GLIS1: variants seen among roughly 807,000 people sequenced by gnomAD.
The protein encoded by GLIS1 is GLIS family zinc finger 1.
GLIS1 carries 24 observed loss-of-function variants against 63.8 expected under a neutral mutation model. That is an observed-to-expected ratio of 0.38 (90% CI 0.27 to 0.53). The LOEUF is 0.53. GLIS1 is among the 20% of genes least tolerant of loss of function. The pLI is 0.85. For missense variants in GLIS1, 1,036 were observed against 1,074.1 expected (o/e 0.96, Z 0.50); for synonymous variants, 450 against 482.5 (o/e 0.93, Z 0.88).
chr1:53,561,567 G>A (rs1644892489), intron 4 of GLIS1, among the ~76,000 whole-genome samples: 1 of 152,258 alleles, frequency 6.6e-6, no homozygotes, highest in African/African-American at 2.4e-5. Context: ...CACTGCCGGA[G>A]AAGAGACCAG....
At chr1:53,580,206 G>A (rs545490537) in intron 4 of GLIS1, among the ~76,000 whole-genome samples, 11 of 152,246 alleles carry the variant, frequency 7.2e-5, no homozygotes, top group African/African-American at 9.6e-5. Flanking sequence ...CATGGGTAGA[G>A]CCATGAGCCG....
intron 2 of GLIS1, among the ~76,000 whole-genome samples, chr1:53,682,000 T>G (rs1423995972): frequency 1.3e-5 from 2 of 152,226 alleles, no homozygotes; most frequent in Admixed American, 6.5e-5. Flanking sequence ...TAGGCTACTT[T>G]GCAAGTGTTC....
chr1:53,658,005 G>A (rs1645985293), intron 2 of GLIS1, among the ~76,000 whole-genome samples: 1 of 151,980 alleles, frequency 6.6e-6, no homozygotes, highest in Admixed American at 6.5e-5. Flanking sequence ...CAACCTTGCT[G>A]GTGCTCAAAG....
At chr1:53,660,067 GT>G (rs1305916728) in intron 2 of GLIS1, among the ~76,000 whole-genome samples, 1 of 152,204 alleles carries the variant, frequency 6.6e-6, no homozygotes, top group Non-Finnish European at 1.5e-5. Flanking sequence ...CAGCTCAACA[GT>G]TCTTTGAGTC....
chr1:53,671,910 A>C (rs1411407024), intron 2 of GLIS1, among the ~76,000 whole-genome samples: 5 of 152,150 alleles, frequency 3.3e-5, no homozygotes, highest in African/African-American at 9.7e-5. Flanking sequence ...CCTCCTTCTC[A>C]ACTTTTAAAA....
At chr1:53,645,054 A>C (rs1351021341) in intron 2 of GLIS1, among the ~76,000 whole-genome samples, 1 of 152,176 alleles carries the variant, frequency 6.6e-6, no homozygotes, top group Non-Finnish European at 1.5e-5. Flanking sequence ...ATGTCTGTGA[A>C]ATAACTAAAC....
At chr1:53,549,851 A>G (rs182724652) in intron 4 of GLIS1, among the ~76,000 whole-genome samples, 25 of 152,312 alleles carry the variant, frequency 1.6e-4, no homozygotes, top group Admixed American at 3.3e-4. Context: ...TCATCCCCAT[A>G]TTACCAATGG....
chr1:53,671,219 GA>G (rs1570022236), intron 2 of GLIS1, among the ~76,000 whole-genome samples: 1 of 152,218 alleles, frequency 6.6e-6, no homozygotes, highest in Admixed American at 6.5e-5. Context: ...AGAAGAACAG[GA>G]AAGTGAAAAC....
At chr1:53,660,164 C>T (rs530243340) in intron 2 of GLIS1, among the ~76,000 whole-genome samples, 3 of 152,128 alleles carry the variant, frequency 2.0e-5, no homozygotes, top group Non-Finnish European at 4.4e-5. Context: ...GGGGAACATC[C>T]GAAAAGCATC....
At chr1:53,731,705 A>G (rs1051195818) in intron 2 of GLIS1, among the ~76,000 whole-genome samples, 10 of 152,190 alleles carry the variant, frequency 6.6e-5, no homozygotes, top group African/African-American at 2.2e-4. Flanking sequence ...ATTAAATGTG[A>G]TCACGTCTCT....
chr1:53,722,285 A>G (rs140503496), intron 2 of GLIS1, among the ~76,000 whole-genome samples: 11 of 152,350 alleles, frequency 7.2e-5, no homozygotes, highest in African/African-American at 2.6e-4. Context: ...TACAAAAATA[A>G]TCAGAAACGC....
intron 2 of GLIS1, among the ~76,000 whole-genome samples, chr1:53,719,038 C>T (rs751346779): frequency 2.6e-5 from 4 of 152,196 alleles, no homozygotes; most frequent in Non-Finnish European, 5.9e-5. Flanking sequence ...GCATGCATCC[C>T]GTGGGACACT....
intron 4 of GLIS1, among the ~76,000 whole-genome samples, chr1:53,546,552 CCT>C (rs969449356): frequency 1.3e-5 from 2 of 152,124 alleles, no homozygotes; most frequent in Non-Finnish European, 2.9e-5. Flanking sequence ...GTTAACACTC[CCT>C]GTTTGCAGGT....
At position 53,509,891 on chromosome 1, in the gene GLIS1, G is replaced by A. The variant is rs2100250777; in HGVS notation, c.2020C>T (p.Pro674Ser). Reference protein sequence around the residue: ...PTLPSKPSYPPFQSPPPPPLP... With the variant: ...PTLPSKPSYPSFQSPPPPPLP... ...GGCGGGGGTGGAGGGCTCTGGAAGG[G>A]TGGGTAGGACGGCTTGCTGGGGAGT... Residue 674 changes from proline to serine, a missense_variant, in exon 9 of 11, where the codon CCC becomes TCC. Physicochemically the swap from Pro to Ser is moderately conservative, Grantham distance 74 (BLOSUM62 -1). Coordinates refer to ENST00000628545, the MANE Select transcript of GLIS1 (RefSeq NM_001367484.1). The A allele has an allele frequency of 1.5e-6, 2 of 1,308,496 alleles. No homozygotes were observed. Among genetic ancestry groups the A allele is most frequent in the East Asian group, 5.6e-5 (2 of 35,550 alleles). The allele number at this position is 1,308,496 out of a possible 1,614,324, so 81.1% of individuals were successfully genotyped here. A position where few individuals can be genotyped will look rare whatever the true frequency, so the allele number is the denominator to read the frequency against.
chr1:53,686,113 C>T lies in GLIS1; in HGVS notation c.259+51693G>A, dbSNP rs1029802999. ...CCTATGGCCATTGTTCCTTCCATCT[C>T]TCCCACCAGACTGCAAAGCCCCTTT... is the stretch of plus-strand genomic sequence containing the variant. On this transcript the variant is annotated intron_variant, in intron 2 of 10. Coordinates refer to ENST00000628545, the MANE Select transcript of GLIS1 (RefSeq NM_001367484.1). Among the ~76,000 whole-genome samples, 9 of 152,346 alleles carry T rather than the reference C, an allele frequency of 5.9e-5. No individual in the cohort carries two copies. The South Asian group carries it at 1.9e-3, about 32-fold the overall frequency.
At chr1:53,585,685 C>T (rs1645128076) in intron 4 of GLIS1, among the ~76,000 whole-genome samples, 1 of 152,178 alleles carries the variant, frequency 6.6e-6, no homozygotes, top group Non-Finnish European at 1.5e-5. Context: ...CAACCTGTTC[C>T]ATTCCTGATG....
chr1:53,605,616 C>T (rs1219928057), intron 2 of GLIS1, among the ~76,000 whole-genome samples: 1 of 152,232 alleles, frequency 6.6e-6, no homozygotes, highest in Non-Finnish European at 1.5e-5. Flanking sequence ...AAAGTCCTAC[C>T]TCCCCTACGA....
chr1:53,632,945 ATG>A (rs1645678342), intron 2 of GLIS1, among the ~76,000 whole-genome samples: 3 of 108,778 alleles, frequency 2.8e-5, no homozygotes, highest in Admixed American at 9.2e-5. Context: ...GGGCATGTGA[ATG>A]TGACTGAGGG....
chr1:53,543,764 C>A (rs1200287133), intron 4 of GLIS1, among the ~76,000 whole-genome samples: 1 of 151,960 alleles, frequency 6.6e-6, no homozygotes. Context: ...AGGTGACCCA[C>A]CCCTCACCTG....
Sources: allele counts gnomAD v4.1 joint callset (sites outside exome capture counted in the v4.1 genomes callset), GRCh38; gene constraint gnomAD v4.1.1; transcripts MANE v1.5; gene names NCBI Gene and HGNC (gene_info 2026-07-23, HGNC 2026-07-21).